The following NKTR variants were observed in gnomAD, a reference collection of about 807,000 sequenced individuals.
The protein encoded by NKTR is natural killer cell triggering receptor.
In NKTR, 67 loss-of-function variants were observed where a neutral mutation model predicts 156.3. That is an observed-to-expected ratio of 0.43 (90% CI 0.35 to 0.53). The LOEUF (loss-of-function observed/expected upper bound fraction) is 0.53. NKTR is among the 20% of genes least tolerant of loss of function. NKTR has a pLI of 0.01. For missense variants in NKTR, 1,604 were observed against 1,730.9 expected (o/e 0.93, Z 1.30); for synonymous variants, 640 against 596.6 (o/e 1.07, Z -1.06).
intron 15 of NKTR, 165 bp downstream of exon 15, chr3:42,643,560 G>T: frequency 3.1e-6 from 2 of 649,200 alleles, no homozygotes; most frequent in Non-Finnish European, 5.5e-6. Flanking sequence ...TTTATCTGTT[G>T]GCCCATTGTA....
chr3:42,621,119 T>G, intron 5 of NKTR: 1 of 991,500 alleles, frequency 1.0e-6, no homozygotes, highest in Non-Finnish European at 1.2e-6. Flanking sequence ...TTTTATTAGT[T>G]TTCCCTGAAA....
At position 42,616,328 on chromosome 3, in the gene NKTR, C is replaced by T. The variant is rs560391573; in HGVS notation, c.59-1242C>T. 3.3e-5 allele frequency among the ~76,000 whole-genome samples: 5 copies of T among 152,228 alleles called. No homozygotes were observed. The South Asian group carries it at 6.2e-4, about 19-fold the overall frequency. Reference sequence around the variant, plus strand: ...AGTAATTAATTGCAAATCAGAATTACGTTTCTTATTTTATTGATACGCTTT... The same window carrying T: ...AGTAATTAATTGCAAATCAGAATTATGTTTCTTATTTTATTGATACGCTTT... On this transcript the variant is annotated intron_variant, in intron 2 of 16. Transcript: ENST00000232978.
At chr3:42,606,455 A>G (rs1413226649) in intron 2 of NKTR, among the ~76,000 whole-genome samples, 1 of 151,902 alleles carries the variant, frequency 6.6e-6, no homozygotes, top group African/African-American at 2.4e-5. Context: ...AGGGGCTTTC[A>G]TATTTAGGTA....
chr3:42,645,769 T>C, intron 16 of NKTR, 119 bp from the exon 17 acceptor site: 1 of 591,482 alleles, frequency 1.7e-6, no homozygotes, highest in Non-Finnish European at 3.0e-6. Context: ...ATCAGTTATA[T>C]GAGTGGCTTG....
intron 13 of NKTR, among the ~76,000 whole-genome samples, chr3:42,640,773 C>G (rs1709820009): frequency 6.6e-6 from 1 of 152,236 alleles, no homozygotes. Flanking sequence ...AGCCTCACTT[C>G]TGGAGCCCTC....
Position 42,638,519 on chromosome 3 carries a change from A to G in NKTR, c.2815A>G (p.Thr939Ala). ...VKPTTKSSTN[T>A]SLPDDNGAWK... ...ACCCACAACCAAGTCGTCCACAAATACTTCACTGCCTGATGATAATGGTGC... is the reference window on the plus strand; with the variant it reads ...ACCCACAACCAAGTCGTCCACAAATGCTTCACTGCCTGATGATAATGGTGC... Residue 939 changes from threonine (T) to alanine (A), a missense_variant, in exon 13 of 17, where the codon ACT becomes GCT. By Grantham distance (58) the Thr-to-Ala change is moderately conservative. This residue lies in a region of NKTR where 1,255 missense variants were observed against 1,243.7 expected (regional missense o/e 1.01). Coordinates refer to ENST00000232978, the MANE Select transcript of NKTR (RefSeq NM_005385.4). 6.2e-7 allele frequency: 1 copy of G among 1,612,038 alleles called. No individual in the cohort carries two copies. The highest frequency in any genetic ancestry group is 2.2e-5 in the East Asian group (1 of 44,872).
intron 5 of NKTR, chr3:42,620,200 CT>C (rs1452772268): frequency 7.8e-7 from 1 of 1,275,688 alleles, no homozygotes; most frequent in African/African-American, 1.5e-5. Flanking sequence ...GCTTCTGTAT[CT>C]TTTTTCATTT....
chr3:42,633,863 TATTAG>T, intron 10 of NKTR, 128 bp downstream of exon 10: 1 of 994,470 alleles, frequency 1.0e-6, no homozygotes, highest in Non-Finnish European at 1.5e-6. Flanking sequence ...AGTATGGGAG[TATTAG>T]ATTAATGAAT....
chr3:42,612,370 A>G (rs1706915785), intron 2 of NKTR: 1 of 152,152 alleles, frequency 6.6e-6, no homozygotes, highest in African/African-American at 2.4e-5. Context: ...AACATTTCCT[A>G]TTCAAAAGAA....
At chr3:42,607,855 T>C (rs1220968747) in intron 2 of NKTR, among the ~76,000 whole-genome samples, 1 of 152,062 alleles carries the variant, frequency 6.6e-6, no homozygotes. Context: ...ACAATTCAAT[T>C]TGATTCTGGA....
chr3:42,629,786 A>G (rs562135778), intron 6 of NKTR: 207 of 985,312 alleles, frequency 2.1e-4, no homozygotes, highest in Non-Finnish European at 2.4e-4. Context: ...AAATATCTTA[A>G]CCAAATATAC....
chr3:42,642,760 G>C (rs1710002369), intron 14 of NKTR, among the ~76,000 whole-genome samples, 164 bp downstream of exon 14: 1 of 152,200 alleles, frequency 6.6e-6, no homozygotes, highest in African/African-American at 2.4e-5. Context: ...TGGAATTCTT[G>C]ACTATTCCTC....
At chr3:42,603,955 C>T (rs1295125246) in intron 2 of NKTR, among the ~76,000 whole-genome samples, 1 of 152,076 alleles carries the variant, frequency 6.6e-6, no homozygotes, top group Non-Finnish European at 1.5e-5. Context: ...CCAGGCTGGT[C>T]TGAACTCCTG....
chr3:42,639,287 G>A lies in NKTR; in HGVS notation c.3583G>A (p.Asp1195Asn), dbSNP rs544323932. 843 of 1,614,168 alleles carry A rather than the reference G, an allele frequency of 5.2e-4. 7 individuals are homozygous for A. The South Asian group carries it at 8.8e-3, about 17-fold the overall frequency. Residue 1195 changes from aspartate (D) to asparagine (N), a missense_variant, in exon 13 of 17, where the codon GAC (aspartate) becomes AAC (asparagine). Coordinates refer to ENST00000232978, the MANE Select transcript of NKTR (RefSeq NM_005385.4). The part of the protein sequence containing the change: ...SKVLGEVGKQ[D>N]SSSASLASAG... ...AGTGTTGGGTGAAGTGGGGAAACAG[G>A]ACAGCAGCTCTGCTAGCTTGGCTAG... is the stretch of plus-strand genomic sequence containing the variant.
intron 2 of NKTR, chr3:42,602,676 AC>A: frequency 6.9e-6 from 1 of 145,942 alleles, no homozygotes; most frequent in Non-Finnish European, 1.5e-5. Flanking sequence ...GCCTTGATGG[AC>A]CTTAATCTTT....
chr3:42,609,770 G>A (rs1281911552), intron 2 of NKTR, among the ~76,000 whole-genome samples: 1 of 152,058 alleles, frequency 6.6e-6, no homozygotes, highest in African/African-American at 2.4e-5. Context: ...TACTCTTATG[G>A]TTATGTAGGT....
rs1709650827 is a variant in NKTR at position 42,638,889 on chromosome 3, G to T, written c.3185G>T (p.Ser1062Ile). The T allele has an allele frequency of 1.2e-6, 2 of 1,611,254 alleles. No homozygotes were observed. Among genetic ancestry groups the T allele is most frequent in the South Asian group, 2.2e-5 (2 of 90,378 alleles). The change falls in exon 13 of 17, where the codon AGT becomes ATT. Residue 1062 changes from serine to isoleucine, a missense_variant. Around this residue, in one of 6 missense-constraint regions of NKTR, gnomAD observed 1,255 missense variants for 1,243.7 expected, o/e 1.01. Transcript: ENST00000232978. ...AATATTCTAAAAACTGAGAAATCCA[G>T]TGAAGAGGACCTTTCAGGTAAACAT... ...KDNILKTEKS[S>I]EEDLSGKHDT...
chr3:42,609,782 G>C (rs1706587578), intron 2 of NKTR, among the ~76,000 whole-genome samples: 1 of 152,110 alleles, frequency 6.6e-6, no homozygotes, highest in Non-Finnish European at 1.5e-5. Flanking sequence ...TATGTAGGTA[G>C]AATGTTTCTT....
At position 42,639,579 on chromosome 3, in the gene NKTR, G is replaced by T. The variant is rs1559591898; in HGVS notation, c.3875G>T (p.Arg1292Ile). 2 of 1,614,238 alleles carry T rather than the reference G, an allele frequency of 1.2e-6. No individual in the cohort carries two copies. The highest frequency in any genetic ancestry group is 8.5e-7 in the Non-Finnish European group (1 of 1,180,026). Reference protein sequence around the residue: ...RKTARLNRRPRNQESSSDEQT... With the variant: ...RKTARLNRRPINQESSSDEQT... The stretch of plus-strand genomic sequence containing the variant: ...ACAGCACGCTTAAACCGTAGACCAA[G>T]AAATCAGGAGAGTTCAAGTGATGAG... The change falls in exon 13 of 17, where the codon AGA (arginine) becomes ATA (isoleucine). Residue 1292 changes from arginine (R) to isoleucine (I), a missense_variant. Arg to Ile is a moderately conservative substitution (Grantham distance 97). This residue lies in a region of NKTR where 193 missense variants were observed against 220.2 expected (regional missense o/e 0.88). Coordinates refer to ENST00000232978, the MANE Select transcript of NKTR (RefSeq NM_005385.4).
Sources: gnomAD v4.1 joint callset for allele counts (sites outside exome capture counted in the v4.1 genomes callset) on GRCh38, gnomAD v4.1.1 for gene constraint, gnomAD v4.1.1 regional missense constraint, MANE v1.5 for transcripts, NCBI Gene and HGNC (gene_info 2026-07-23, HGNC 2026-07-21) for gene names.